Variants in INSL6 observed in about 807,000 individuals in gnomAD.
INSL6 encodes insulin-like peptide INSL6.
A neutral mutation model predicts 9.4 loss-of-function variants in INSL6; 16 were observed. The ratio of observed to expected loss-of-function variants is 1.70; its 90% confidence interval spans 1.15 to 2.59. The LOEUF (loss-of-function observed/expected upper bound fraction) is 2.59, where lower values mean the gene tolerates loss of function less well. INSL6 is among the 30% of genes most tolerant of loss of function. The pLI is 0.00. For missense variants in INSL6, 391 were observed against 257.3 expected (o/e 1.52, Z -3.56); for synonymous variants, 154 against 96.9 (o/e 1.59, Z -3.46).
At chr9:5,057,046 T>C in the INSL6 span, among the ~76,000 whole-genome samples, 5 of 152,260 alleles carry the variant, frequency 3.3e-5, no homozygotes, top group Middle Eastern at 3.4e-3. Context: ...CTGGGAAGAG[T>C]TGACATTTCT....
chr9:5,040,292 C>CAA, the INSL6 span, among the ~76,000 whole-genome samples: 19 of 138,036 alleles, frequency 1.4e-4, no homozygotes, highest in African/African-American at 4.9e-4. Flanking sequence ...ACACTATATA[C>CAA]AAAAAAAAAA....
At chr9:5,116,528 A>C in the INSL6 span, among the ~76,000 whole-genome samples, 3 of 152,166 alleles carry the variant, frequency 2.0e-5, no homozygotes, top group Non-Finnish European at 4.4e-5. Flanking sequence ...AATTGTTTTT[A>C]TTGTTTTCAG....
At chr9:5,134,141 G>C (rs1356143362) in intron 2 of INSL6, among the ~76,000 whole-genome samples, 2 of 152,082 alleles carry the variant, frequency 1.3e-5, no homozygotes, top group African/African-American at 4.8e-5. Context: ...GACAAGATTA[G>C]AGAAAAAAGA....
the INSL6 span, among the ~76,000 whole-genome samples, chr9:5,095,820 C>T: frequency 1.3e-5 from 2 of 152,146 alleles, no homozygotes; most frequent in African/African-American, 2.4e-5. Context: ...ATAATCCAAA[C>T]GTTACCATTA....
the INSL6 span, among the ~76,000 whole-genome samples, chr9:5,076,293 A>G: frequency 1.3e-5 from 2 of 152,300 alleles, no homozygotes; most frequent in East Asian, 1.9e-4. Context: ...GTAGAAGGCT[A>G]TCAAACAGCA....
chr9:5,073,681 C>CT, the INSL6 span: 10,984 of 1,365,410 alleles, frequency 8.0e-3, no homozygotes, highest in Non-Finnish European at 9.3e-3. Context: ...ATTCTTTGTA[C>CT]TTTTTTTTTT....
chr9:5,149,423 A>G (rs1247927416), intron 2 of INSL6, among the ~76,000 whole-genome samples: 1 of 152,146 alleles, frequency 6.6e-6, no homozygotes, highest in African/African-American at 2.4e-5. Context: ...ACCCACCATG[A>G]TCTCAGCAGC....
chr9:5,157,206 T>C (rs1824833275), intron 2 of INSL6, among the ~76,000 whole-genome samples: 1 of 152,256 alleles, frequency 6.6e-6, no homozygotes, highest in Admixed American at 6.5e-5. Flanking sequence ...ATGCCATCCT[T>C]ATCAAAATCC....
chr9:5,030,633 G>T, the INSL6 span, among the ~76,000 whole-genome samples: 4 of 152,034 alleles, frequency 2.6e-5, no homozygotes, highest in African/African-American at 9.7e-5. Flanking sequence ...TCCAAGCCTG[G>T]TTTGCTTCAT....
the INSL6 span, among the ~76,000 whole-genome samples, chr9:5,042,927 G>A: frequency 6.6e-6 from 1 of 152,194 alleles, no homozygotes; most frequent in African/African-American, 2.4e-5. Flanking sequence ...GGCCCTGCTA[G>A]GAGGGTGCTT....
chr9:5,062,139 T>G, the INSL6 span, among the ~76,000 whole-genome samples: 12 of 152,238 alleles, frequency 7.9e-5, no homozygotes, highest in South Asian at 8.3e-4. Flanking sequence ...CAATTTTTTT[T>G]CAGCCAAACA....
the INSL6 span, among the ~76,000 whole-genome samples, chr9:5,032,877 C>A: frequency 1.3e-5 from 2 of 152,146 alleles, no homozygotes; most frequent in Non-Finnish European, 1.5e-5. Flanking sequence ...TTACCAGCAA[C>A]GGAACAAAGC....
At chr9:5,138,235 T>C (rs1174572037) in intron 2 of INSL6, among the ~76,000 whole-genome samples, 2 of 152,228 alleles carry the variant, frequency 1.3e-5, no homozygotes, top group Non-Finnish European at 2.9e-5. Context: ...TTACTGGGTA[T>C]ATACCCAAAG....
intron 3 of INSL6, among the ~76,000 whole-genome samples, chr9:5,125,250 A>G (rs12349918): frequency 0.25 from 38,216 of 150,740 alleles, 5,137 homozygotes; most frequent in South Asian, 0.3. Flanking sequence ...ATAAAAGTTC[A>G]CTTATATAAA....
chr9:5,141,245 G>C (rs528209136), intron 2 of INSL6, among the ~76,000 whole-genome samples: 103 of 152,222 alleles, frequency 6.8e-4, no homozygotes, highest in African/African-American at 2.3e-3. Context: ...TGGATCAAAT[G>C]GTATTTCTGC....
the INSL6 span, among the ~76,000 whole-genome samples, chr9:5,117,571 T>C: frequency 2.0e-5 from 3 of 152,194 alleles, no homozygotes; most frequent in Non-Finnish European, 4.4e-5. Context: ...CTTGCAAAAA[T>C]GTAAAACAAT....
the INSL6 span, among the ~76,000 whole-genome samples, chr9:5,103,184 A>AAG: frequency 1.8e-3 from 265 of 147,426 alleles, no homozygotes; most frequent in Middle Eastern, 6.8e-3. Flanking sequence ...GGCTCAAAAT[A>AAG]AAGGGATGGA....
the INSL6 span, among the ~76,000 whole-genome samples, chr9:5,102,633 C>A: frequency 6.6e-6 from 1 of 152,164 alleles, no homozygotes; most frequent in African/African-American, 2.4e-5. Flanking sequence ...ATGTTAAGGG[C>A]AGCCAGAGAG....
intron 1 of INSL6, among the ~76,000 whole-genome samples, chr9:5,168,230 T>C (rs1466716324): frequency 2.0e-5 from 3 of 152,106 alleles, no homozygotes; most frequent in Admixed American, 6.5e-5. Flanking sequence ...CAGAGATAGA[T>C]AAATTGACAG....
Sources: gnomAD v4.1 joint callset for allele counts (sites outside exome capture counted in the v4.1 genomes callset) on GRCh38, gnomAD v4.1.1 for gene constraint, MANE v1.5 for transcripts, NCBI Gene and HGNC (gene_info 2026-07-23, HGNC 2026-07-21) for gene names.